Variants in UBTD1 observed in about 807,000 individuals in gnomAD.
UBTD1 encodes the protein ubiquitin domain containing 1.
Under a neutral mutation model 21.7 loss-of-function variants are expected in UBTD1, and 19 were observed. The ratio of observed to expected loss-of-function variants is 0.87; its 90% CI spans 0.61 to 1.28. The LOEUF is 1.28. Among genes scored for constraint, UBTD1 ranks in the 50% most tolerant of loss-of-function variants. The pLI, the probability that UBTD1 is intolerant of heterozygous loss-of-function variation, is 0.00. For synonymous variants in UBTD1, 116 were observed against 135.1 expected, an observed-to-expected ratio of 0.86 and a Z score of 0.98; for missense variants, 282 against 315.1, an observed-to-expected ratio of 0.89 and a Z score of 0.80.
chr10:97,543,831 G>A (rs2040596849), intron 1 of UBTD1, among the ~76,000 whole-genome samples: 1 of 152,200 alleles, frequency 6.6e-6, no homozygotes, highest in African/African-American at 2.4e-5. Flanking sequence ...TCTACCTCCA[G>A]CCCGAACAGT....
At chr10:97,558,945 G>A (rs920710966) in intron 1 of UBTD1, among the ~76,000 whole-genome samples, 3 of 152,296 alleles carry the variant, frequency 2.0e-5, no homozygotes, top group East Asian at 1.9e-4. Flanking sequence ...TAAAGCACAA[G>A]TGCCACTCTA....
At chr10:97,536,274 G>C (rs894464765) in intron 1 of UBTD1, among the ~76,000 whole-genome samples, 11 of 152,172 alleles carry the variant, frequency 7.2e-5, no homozygotes, top group Admixed American at 6.5e-5. Context: ...TTACAGGTGA[G>C]AGCCACCACA....
chr10:97,534,577 G>GCACACA (rs1325135188), intron 1 of UBTD1, among the ~76,000 whole-genome samples: 5,514 of 88,274 alleles, frequency 0.062, 140 homozygotes, highest in East Asian at 0.13. Context: ...ACACGCGCGC[G>GCACACA]CGCACACACA....
At chr10:97,526,640 C>G (rs926277431) in intron 1 of UBTD1, among the ~76,000 whole-genome samples, 2 of 152,176 alleles carry the variant, frequency 1.3e-5, no homozygotes, top group Admixed American at 6.5e-5. Context: ...CATTTGGGGT[C>G]AGGAATTCAA....
chr10:97,543,646 A>T (rs1286054929), intron 1 of UBTD1, among the ~76,000 whole-genome samples: 1 of 152,198 alleles, frequency 6.6e-6, no homozygotes, highest in Non-Finnish European at 1.5e-5. Context: ...ATGGAAATGG[A>T]CCCAGGTCTT....
chr10:97,547,369 C>T (rs1387369890), intron 1 of UBTD1, among the ~76,000 whole-genome samples: 1 of 152,116 alleles, frequency 6.6e-6, no homozygotes, highest in Non-Finnish European at 1.5e-5. Flanking sequence ...TGGGGAGTTC[C>T]TGTTTTATTT....
intron 1 of UBTD1, among the ~76,000 whole-genome samples, chr10:97,516,517 T>G (rs1394371607): frequency 6.6e-6 from 1 of 152,132 alleles, no homozygotes; most frequent in Admixed American, 6.5e-5. Flanking sequence ...GGCTCATGCC[T>G]GTAATCCCAG....
intron 1 of UBTD1, among the ~76,000 whole-genome samples, chr10:97,537,344 G>C (rs981587932): frequency 6.6e-6 from 1 of 152,178 alleles, no homozygotes; most frequent in Non-Finnish European, 1.5e-5. Context: ...TGGGGGTCGG[G>C]TGGTAGGGGC....
intron 1 of UBTD1, among the ~76,000 whole-genome samples, chr10:97,516,244 G>C (rs193279278): frequency 6.6e-6 from 1 of 152,348 alleles, no homozygotes; most frequent in African/African-American, 2.4e-5. Context: ...CAGGAGTGGA[G>C]GTGGCCCTGT....
At chr10:97,504,859 G>GC (rs2135653244) in intron 1 of UBTD1, among the ~76,000 whole-genome samples, 1 of 152,292 alleles carries the variant, frequency 6.6e-6, no homozygotes, top group South Asian at 2.1e-4. Flanking sequence ...CTTCTCTCTT[G>GC]CCCCAGGCTT....
At chr10:97,524,012 T>C (rs1396293724) in intron 1 of UBTD1, among the ~76,000 whole-genome samples, 2 of 152,052 alleles carry the variant, frequency 1.3e-5, no homozygotes, top group Non-Finnish European at 2.9e-5. Flanking sequence ...GTGCATTTGG[T>C]TTTGTGTTCC....
intron 1 of UBTD1, among the ~76,000 whole-genome samples, chr10:97,511,239 C>T (rs1181596655): frequency 6.6e-6 from 1 of 152,150 alleles, no homozygotes; most frequent in Non-Finnish European, 1.5e-5. Flanking sequence ...TAGGTACTTA[C>T]ACACATCTCA....
intron 1 of UBTD1, among the ~76,000 whole-genome samples, chr10:97,558,502 T>G (rs192295848): frequency 7.2e-5 from 11 of 152,280 alleles, no homozygotes; most frequent in Middle Eastern, 6.8e-3. Context: ...TCTAGTTGTT[T>G]TGAGAGATAG....
intron 1 of UBTD1, among the ~76,000 whole-genome samples, chr10:97,545,255 G>A (rs2040603524): frequency 6.6e-6 from 1 of 151,786 alleles, no homozygotes; most frequent in Admixed American, 6.6e-5. Flanking sequence ...GCAGGAGAAT[G>A]GCATGAACCC....
chr10:97,519,787 A>G (rs1453085445), intron 1 of UBTD1, among the ~76,000 whole-genome samples: 2 of 152,200 alleles, frequency 1.3e-5, no homozygotes, highest in Non-Finnish European at 2.9e-5. Flanking sequence ...GGAAGCCTGT[A>G]TGTTGATTAA....
chr10:97,531,123 G>A (rs565589187), intron 1 of UBTD1, among the ~76,000 whole-genome samples: 27 of 151,872 alleles, frequency 1.8e-4, no homozygotes, highest in African/African-American at 5.6e-4. Flanking sequence ...TCCTGACCTC[G>A]TGATCCGCCC....
chr10:97,563,380 C>T (rs536473421), intron 1 of UBTD1, among the ~76,000 whole-genome samples: 2 of 152,148 alleles, frequency 1.3e-5, no homozygotes, highest in South Asian at 2.1e-4. Flanking sequence ...ATGAGTAAAT[C>T]GAGGCCTCGT....
At chr10:97,542,691 G>A (rs759006874) in intron 1 of UBTD1, among the ~76,000 whole-genome samples, 2 of 152,180 alleles carry the variant, frequency 1.3e-5, no homozygotes, top group Non-Finnish European at 1.5e-5. Context: ...GCTCTTGGCC[G>A]GTCGGCTTGC....
At position 97,570,053 on chromosome 10, in the gene UBTD1, A is replaced by G; in HGVS notation, c.299-85A>G. On this transcript the variant is annotated intron_variant, in intron 2 of 2. Transcript: ENST00000370664. This position sits in a 1 kb window ranked among gnomAD's most constrained non-coding sequence, Gnocchi z 6.6. ...CAGTCACATTGGGGGTTAGAGTTTC[A>G]CCATATGAATTTGGGGGGACCCAAA... 3 of 1,506,570 alleles carry G rather than the reference A, an allele frequency of 2.0e-6. No individual in the cohort carries two copies. The highest frequency in any genetic ancestry group is 2.7e-6 in the Non-Finnish European group (3 of 1,125,108). The allele number at this position is 1,506,570 out of a possible 1,614,324, so 93.3% of individuals were successfully genotyped here. A position where few individuals can be genotyped will look rare whatever the true frequency, so the allele number is the denominator to read the frequency against.
Sources: allele counts gnomAD v4.1 joint callset (sites outside exome capture counted in the v4.1 genomes callset), GRCh38; gene constraint gnomAD v4.1.1; non-coding constraint Gnocchi (gnomAD v3.1); transcripts MANE v1.5; gene names NCBI Gene and HGNC (gene_info 2026-07-23, HGNC 2026-07-21).